The following PICALM variants were observed in gnomAD, a reference collection of about 807,000 sequenced individuals.
PICALM encodes phosphatidylinositol-binding clathrin assembly protein.
In PICALM, 40 loss-of-function variants were observed where a neutral mutation model predicts 80.5. The ratio of observed to expected loss-of-function variants is 0.50; its 90% CI spans 0.39 to 0.65. The LOEUF is 0.65. PICALM is among the 30% of genes least tolerant of loss of function. The pLI is 0.00. For synonymous variants in PICALM, 288 were observed against 260.3 expected, an observed-to-expected ratio of 1.11 and a Z score of -1.02; for missense variants, 676 against 778.9, an observed-to-expected ratio of 0.87 and a Z score of 1.57.
In PICALM at chr11:85,958,584, T is replaced by A. The variant is rs1039835197; in HGVS notation, c.*462A>T. 5.4e-5 allele frequency: 12 copies of A among 222,610 alleles called. No individual in the cohort carries two copies. Among genetic ancestry groups the A allele is most frequent in the African/African-American group, 2.7e-4 (12 of 44,764 alleles). The allele number at this position is 222,610 out of a possible 1,614,324, so 13.8% of individuals were successfully genotyped here. ...AAAAGTTAATTTCAGTTATTGTTTC[T>A]GTATTTGTGAGGACTGGAGAAAAGA... is the stretch of plus-strand genomic sequence containing the variant. On this transcript the variant is annotated 3_prime_UTR_variant, in exon 20 of 20. Coordinates refer to ENST00000393346, the MANE Select transcript of PICALM (RefSeq NM_007166.4).
chr11:85,994,433 T>A (rs484154), intron 12 of PICALM, among the ~76,000 whole-genome samples: 66,401 of 151,998 alleles, frequency 0.44, 14,690 homozygotes, highest in East Asian at 0.59. Flanking sequence ...TTTATCTCTA[T>A]CTTATCACTA....
rs142457565 is a variant in PICALM at position 86,007,972 on chromosome 11, T to G, written c.766-389A>C. 5.1e-4 allele frequency among the ~76,000 whole-genome samples: 78 copies of G among 151,966 alleles called. No individual in the cohort carries two copies. In the East Asian group the frequency reaches 0.014, roughly 27 times the overall value. ...CTTTGATGCAAAAAAAAAAAAAAAT[T>G]TAAGAAACAAACCTGAAGACATCGA... On this transcript the variant is annotated intron_variant, in intron 7 of 19. Coordinates refer to ENST00000393346, the MANE Select transcript of PICALM (RefSeq NM_007166.4).
At chr11:86,064,884 G>C (rs2096421188) in intron 1 of PICALM, among the ~76,000 whole-genome samples, 1 of 152,022 alleles carries the variant, frequency 6.6e-6, no homozygotes, top group Admixed American at 6.6e-5. Flanking sequence ...GACCAGCCTG[G>C]GCCACATAGG....
intron 1 of PICALM, among the ~76,000 whole-genome samples, chr11:86,056,552 G>A (rs1424102349): frequency 6.6e-6 from 1 of 151,966 alleles, no homozygotes; most frequent in Non-Finnish European, 1.5e-5. Context: ...AGGAGAAACA[G>A]GAATCTTCAT....
At chr11:86,060,909 C>T (rs926986612) in intron 1 of PICALM, among the ~76,000 whole-genome samples, 1 of 152,084 alleles carries the variant, frequency 6.6e-6, no homozygotes, top group Admixed American at 6.5e-5. Context: ...ATGATGAAGG[C>T]ATGACCCATG....
At chr11:86,068,571 G>C (rs976214267) in intron 1 of PICALM, 80 bp downstream of exon 1, 34 of 1,378,596 alleles carry the variant, frequency 2.5e-5, no homozygotes, top group Non-Finnish European at 3.4e-5. Context: ...GTAGAAGGGT[G>C]AAAGACAAGA....
chr11:86,003,374 A>C lies in PICALM; in HGVS notation c.885T>G (p.Ala295=). ...TACAAAGAATGATATACCTGCTTGC[A>C]GCTGTAGAATCTTTGATTTTCTTTC... is the stretch of plus-strand genomic sequence containing the variant. The part of the protein sequence containing the change: ...LEGKKIKDST[A]ASRATTLSNA... Residue 295 remains alanine, a synonymous_variant, in exon 9 of 20, where the codon GCT becomes GCG. Coordinates refer to ENST00000393346, the MANE Select transcript of PICALM (RefSeq NM_007166.4). 6.3e-7 allele frequency: 1 copy of C among 1,586,194 alleles called. No homozygotes were observed.
rs988680896 is a variant in PICALM, at chr11:86,031,034, C to T, written c.273+435G>A. ...ATGGGAGGCTGAGGTGGGAAGGTCC[C>T]TTGAGCCCAGGAATTTGAGGTAGCA... is the stretch of plus-strand genomic sequence containing the variant. On this transcript the variant is annotated intron_variant, in intron 2 of 19. Transcript: ENST00000393346. Among the ~76,000 whole-genome samples the T allele has an allele frequency of 3.3e-5, 5 of 152,290 alleles. 1 individual carries two copies. The highest frequency in any genetic ancestry group is 2.1e-4 in the South Asian group (1 of 4,824).
At chr11:86,045,445 T>C (rs2096055534) in intron 1 of PICALM, among the ~76,000 whole-genome samples, 1 of 140,092 alleles carries the variant, frequency 7.1e-6, no homozygotes, top group African/African-American at 2.7e-5. Flanking sequence ...GAGGCTGTAG[T>C]ATGCAATGAT....
intron 19 of PICALM, among the ~76,000 whole-genome samples, chr11:85,966,270 G>A (rs1460368242): frequency 2.0e-5 from 3 of 152,036 alleles, no homozygotes; most frequent in African/African-American, 7.2e-5. Flanking sequence ...ACAGTGGTGT[G>A]ATCATTGCTA....
intron 1 of PICALM, among the ~76,000 whole-genome samples, chr11:86,062,879 T>C (rs1186430290): frequency 6.6e-6 from 1 of 152,118 alleles, no homozygotes; most frequent in Non-Finnish European, 1.5e-5. Context: ...GAACACAAAG[T>C]AACGGAAATG....
chr11:85,962,825 G>A (rs1422405609), intron 19 of PICALM, among the ~76,000 whole-genome samples: 1 of 152,188 alleles, frequency 6.6e-6, no homozygotes, highest in Non-Finnish European at 1.5e-5. Context: ...TAGCTAGGCT[G>A]ACTGCACAGC....
At chr11:86,052,689 T>TA (rs1299181987) in intron 1 of PICALM, among the ~76,000 whole-genome samples, 1 of 152,218 alleles carries the variant, frequency 6.6e-6, no homozygotes, top group Admixed American at 6.5e-5. Flanking sequence ...AAACTACAGA[T>TA]AAAGTGTAAT....
chr11:86,065,107 T>C (rs542071201), intron 1 of PICALM, among the ~76,000 whole-genome samples: 2 of 151,600 alleles, frequency 1.3e-5, no homozygotes, highest in Admixed American at 6.6e-5. Flanking sequence ...AGACTAAAGA[T>C]TGTAAGATCA....
At chr11:86,013,187 C>A (rs573189718) in intron 5 of PICALM, among the ~76,000 whole-genome samples, 2 of 151,948 alleles carry the variant, frequency 1.3e-5, no homozygotes, top group Non-Finnish European at 2.9e-5. Context: ...TGGTGGTGTA[C>A]CCCTGTAGTC....
At chr11:85,987,747 G>C (rs748391497) in intron 13 of PICALM, among the ~76,000 whole-genome samples, 10 of 152,116 alleles carry the variant, frequency 6.6e-5, no homozygotes, top group Non-Finnish European at 1.3e-4. Flanking sequence ...CTGGAATTAT[G>C]GGTACCAGCT....
intron 11 of PICALM, among the ~76,000 whole-genome samples, chr11:85,997,162 T>C (rs984649587): frequency 1.9e-4 from 29 of 152,176 alleles, no homozygotes; most frequent in Admixed American, 6.5e-5. Context: ...GAACAGTAGC[T>C]CTTCTGAAAA....
At position 86,064,676 on chromosome 11, in the gene PICALM, A is replaced by T. The variant is rs201999662; in HGVS notation, c.130+3975T>A. Among the ~76,000 whole-genome samples, 164 of 151,556 alleles carry T rather than the reference A, an allele frequency of 1.1e-3. 4 individuals carry two copies. The South Asian group carries it at 0.028, about 26-fold the overall frequency. Reference sequence around the variant, plus strand: ...TAAAAAAAAAAAAAAAAAAGGAGACATTACAGCCATTAGTATAAATATTAC... The same window carrying T: ...TAAAAAAAAAAAAAAAAAAGGAGACTTTACAGCCATTAGTATAAATATTAC... On this transcript the variant is annotated intron_variant, in intron 1 of 19. Coordinates refer to ENST00000393346, the MANE Select transcript of PICALM (RefSeq NM_007166.4).
chr11:86,051,428 A>C (rs1475936602), intron 1 of PICALM, among the ~76,000 whole-genome samples: 2 of 152,146 alleles, frequency 1.3e-5, no homozygotes, highest in African/African-American at 4.8e-5. Context: ...TGGGAGATGG[A>C]GGTGGGCGGA....
Sources: allele counts gnomAD v4.1 joint callset (sites outside exome capture counted in the v4.1 genomes callset), GRCh38; gene constraint gnomAD v4.1.1; transcripts MANE v1.5; gene names NCBI Gene and HGNC (gene_info 2026-07-23, HGNC 2026-07-21).